Variants in PRKAR2A observed in about 807,000 individuals in gnomAD.
PRKAR2A encodes cAMP-dependent protein kinase type II-alpha regulatory subunit.
In PRKAR2A, 29 loss-of-function variants were observed where a neutral mutation model predicts 51.9. That is an observed-to-expected ratio of 0.56 (90% confidence interval 0.42 to 0.76). PRKAR2A has a LOEUF of 0.76. Ranked by LOEUF, PRKAR2A falls within the 30% of genes least tolerant of loss-of-function variation. PRKAR2A has a pLI of 0.00. For missense variants in PRKAR2A, 445 were observed against 512.1 expected (o/e 0.87, Z 1.26); for synonymous variants, 178 against 186.2 (o/e 0.96, Z 0.36).
intron 1 of PRKAR2A, among the ~76,000 whole-genome samples, chr3:48,824,134 G>C (rs1018387599): frequency 1.3e-5 from 2 of 152,126 alleles, no homozygotes; most frequent in African/African-American, 4.8e-5. Flanking sequence ...ACAGCTACTC[G>C]GGAGGTTGAG....
intron 9 of PRKAR2A, among the ~76,000 whole-genome samples, chr3:48,754,992 T>C (rs944060360): frequency 3.3e-5 from 5 of 149,534 alleles, no homozygotes; most frequent in South Asian, 2.1e-4. Context: ...TCCATACTTA[T>C]TAACTTTTTT....
At chr3:48,769,379 A>G (rs943687507) in intron 6 of PRKAR2A, among the ~76,000 whole-genome samples, 12 of 151,708 alleles carry the variant, frequency 7.9e-5, no homozygotes, top group South Asian at 2.1e-4. Context: ...GGATGGTCTC[A>G]ATCTCCTGAC....
intron 1 of PRKAR2A, among the ~76,000 whole-genome samples, chr3:48,821,218 G>C (rs2082954520): frequency 1.3e-5 from 2 of 152,240 alleles, no homozygotes; most frequent in South Asian, 4.1e-4. Flanking sequence ...AGATGACACA[G>C]AGCACTACTT....
chr3:48,746,353 TAAAA>T (rs34195938), downstream of PRKAR2A, among the ~76,000 whole-genome samples: 7 of 68,302 alleles, frequency 1.0e-4, no homozygotes, highest in Admixed American at 3.7e-4. Flanking sequence ...ATCCTGTCAC[TAAAA>T]AAAAAAAAAA....
intron 2 of PRKAR2A, among the ~76,000 whole-genome samples, chr3:48,800,008 T>C (rs1215471751): frequency 6.6e-6 from 1 of 151,708 alleles, no homozygotes; most frequent in Non-Finnish European, 1.5e-5. Context: ...TACAGGCACC[T>C]GCCACCACAC....
At chr3:48,781,756 C>T (rs2082200419) in intron 5 of PRKAR2A, among the ~76,000 whole-genome samples, 1 of 152,006 alleles carries the variant, frequency 6.6e-6, no homozygotes, top group African/African-American at 2.4e-5. Flanking sequence ...CGTGATCTGC[C>T]CGCCTCAGCC....
chr3:48,809,743 A>G (rs1297952021), intron 1 of PRKAR2A, among the ~76,000 whole-genome samples: 1 of 152,058 alleles, frequency 6.6e-6, no homozygotes, highest in Non-Finnish European at 1.5e-5. Flanking sequence ...CATTCAATCT[A>G]TAAATAAGGG....
intron 8 of PRKAR2A, among the ~76,000 whole-genome samples, chr3:48,757,771 A>G (rs1160414192): frequency 6.6e-6 from 1 of 151,894 alleles, no homozygotes; most frequent in Non-Finnish European, 1.5e-5. Context: ...AAATACAAAA[A>G]CAGGCCAGGT....
At chr3:48,755,609 CTTTT>C (rs545711673) in intron 9 of PRKAR2A, among the ~76,000 whole-genome samples, 1 of 139,066 alleles carries the variant, frequency 7.2e-6, no homozygotes, top group Non-Finnish European at 1.6e-5. Flanking sequence ...ATTTTCTTTC[CTTTT>C]TTTTTTTTTT....
intron 4 of PRKAR2A, among the ~76,000 whole-genome samples, chr3:48,785,843 A>C (rs1403421664): frequency 4.6e-5 from 7 of 152,216 alleles, no homozygotes; most frequent in Non-Finnish European, 2.9e-5. Context: ...ACACAAGAGA[A>C]AAAGCAAATG....
rs752258379 is a variant in PRKAR2A at position 48,847,410 on chromosome 3, G to GGGGGTGGCCCAGGCTCTGGCGT, written c.165_186dup (p.Pro63ThrfsTer37). 6.2e-7 allele frequency: 1 copy of GGGGGTGGCCCAGGCTCTGGCGT among 1,603,806 alleles called. No individual in the cohort carries two copies. The highest frequency in any genetic ancestry group is 1.1e-5 in the South Asian group (1 of 89,750). On this transcript the variant is annotated frameshift_variant, in exon 1 of 11. Transcript: ENST00000265563. LOFTEE classifies it high-confidence loss of function. This position sits in a 1 kb window ranked among gnomAD's most constrained non-coding sequence, Gnocchi z 4.4. ...ACACGGTCCGGGCCGGGTTCTGGCGGGGGGTGGCCCAGGCTCTGGCGTGGG... is the reference window on the plus strand; with the variant it reads ...ACACGGTCCGGGCCGGGTTCTGGCGGGGGGTGGCCCAGGCTCTGGCGTGGGGTGGCCCAGGCTCTGGCGTGGG...
rs1004589327 is a variant in PRKAR2A at position 48,760,209 on chromosome 3, T to C, written c.874-3765A>G. On this transcript the variant is annotated intron_variant, in intron 8 of 10. Coordinates refer to ENST00000265563, the MANE Select transcript of PRKAR2A (RefSeq NM_004157.4). ...TTCTCTACTAAAAATAAAAAAAAAT[T>C]AGCCGGGCATGGTGATGCATGCCTG... Among the ~76,000 whole-genome samples the C allele has an allele frequency of 9.9e-5, 15 of 151,754 alleles. No individual in the cohort carries two copies. In the East Asian group the frequency reaches 2.9e-3, roughly 30 times the overall value.
At chr3:48,803,725 C>T (rs1470450236) in intron 2 of PRKAR2A, among the ~76,000 whole-genome samples, 3 of 152,136 alleles carry the variant, frequency 2.0e-5, no homozygotes, top group Non-Finnish European at 4.4e-5. Context: ...CATGCCTGGC[C>T]TAAAATTTAT....
intron 9 of PRKAR2A, among the ~76,000 whole-genome samples, chr3:48,754,280 C>T (rs1402429712): frequency 1.3e-5 from 2 of 150,700 alleles, no homozygotes; most frequent in Non-Finnish European, 3.0e-5. Context: ...TCTTGTTGCC[C>T]AGGCTGGAGT....
At chr3:48,787,172 ATTTAT>A (rs1355004633) in intron 4 of PRKAR2A, among the ~76,000 whole-genome samples, 2 of 151,578 alleles carry the variant, frequency 1.3e-5, no homozygotes, top group Non-Finnish European at 2.9e-5. Flanking sequence ...TTATTTATTT[ATTTAT>A]TTATTTATTT....
chr3:48,784,650 A>G (rs913385719), intron 4 of PRKAR2A, among the ~76,000 whole-genome samples: 9 of 152,180 alleles, frequency 5.9e-5, no homozygotes, highest in Non-Finnish European at 8.8e-5. Flanking sequence ...ATAGAATAAC[A>G]GGGGCGGAAA....
Position 48,802,606 on chromosome 3 carries a change from G to C in PRKAR2A, c.298+5043C>G, listed in dbSNP as rs561933372. ...GTAATCCCAGCTACTCAGAGGCTGA[G>C]GTACAGGAATCACTTGAACCTGGGA... On this transcript the variant is annotated intron_variant, in intron 2 of 10. Coordinates refer to ENST00000265563, the MANE Select transcript of PRKAR2A (RefSeq NM_004157.4). Among the ~76,000 whole-genome samples, 7 of 152,132 alleles carry C rather than the reference G, an allele frequency of 4.6e-5. No individual in the cohort carries two copies. The South Asian group carries it at 6.2e-4, about 14-fold the overall frequency.
At chr3:48,838,655 CTTT>C (rs1292779149) in intron 1 of PRKAR2A, among the ~76,000 whole-genome samples, 17 of 150,874 alleles carry the variant, frequency 1.1e-4, no homozygotes, top group Non-Finnish European at 1.5e-5. Flanking sequence ...GTATATGGGA[CTTT>C]TTTTGGAGTG....
At chr3:48,817,590 T>C (rs1420472824) in intron 1 of PRKAR2A, among the ~76,000 whole-genome samples, 5 of 151,208 alleles carry the variant, frequency 3.3e-5, no homozygotes, top group Non-Finnish European at 7.4e-5. Context: ...GAGGTTGCAG[T>C]GAGCCAAGGT....
Sources: gnomAD v4.1 joint callset for allele counts (sites outside exome capture counted in the v4.1 genomes callset) on GRCh38, gnomAD v4.1.1 for gene constraint, Gnocchi (gnomAD v3.1) non-coding constraint, MANE v1.5 for transcripts, NCBI Gene and HGNC (gene_info 2026-07-23, HGNC 2026-07-21) for gene names.